The following DGKB variants were observed in gnomAD, a reference collection of about 807,000 sequenced individuals.
DGKB encodes the protein 90 kDa diacylglycerol kinase.
A neutral mutation model predicts 114.3 loss-of-function variants in DGKB; 67 were observed. That is an observed-to-expected ratio of 0.59 (90% CI 0.48 to 0.72). The LOEUF is 0.72. Ranked by LOEUF, DGKB falls within the 30% of genes least tolerant of loss-of-function variation. DGKB has a pLI of 0.00. For missense variants in DGKB, 907 were observed against 975.2 expected, an observed-to-expected ratio of 0.93 and a Z score of 0.93; for synonymous variants, 398 against 323.1, an observed-to-expected ratio of 1.23 and a Z score of -2.49.
chr7:14,308,101 C>G (rs1055775556), intron 23 of DGKB, among the ~76,000 whole-genome samples: 5 of 152,008 alleles, frequency 3.3e-5, no homozygotes, highest in East Asian at 3.9e-4. Context: ...AATTGCTTTT[C>G]TTTTTATGTA....
At chr7:14,342,352 C>A (rs17150053) in intron 22 of DGKB, among the ~76,000 whole-genome samples, 2,212 of 151,922 alleles carry the variant, frequency 0.015, 58 homozygotes, top group African/African-American at 0.049. Flanking sequence ...GCAAACTGAA[C>A]ATTCATGAAC....
intron 16 of DGKB, among the ~76,000 whole-genome samples, chr7:14,608,556 T>C (rs992534004): frequency 2.6e-5 from 4 of 151,928 alleles, no homozygotes; most frequent in Non-Finnish European, 5.9e-5. Context: ...ACCACTCCTA[T>C]TCAACATAGT....
intron 21 of DGKB, among the ~76,000 whole-genome samples, chr7:14,457,693 A>G (rs559286788): frequency 1.3e-5 from 2 of 152,272 alleles, no homozygotes; most frequent in Non-Finnish European, 2.9e-5. Context: ...TTGTTCATCA[A>G]ATGGGATCAA....
intron 22 of DGKB, among the ~76,000 whole-genome samples, chr7:14,339,312 G>T (rs1338353876): frequency 2.6e-5 from 4 of 151,924 alleles, no homozygotes; most frequent in African/African-American, 4.8e-5. Flanking sequence ...CTAAGGAGAT[G>T]TCAAAGGCCA....
intron 25 of DGKB, among the ~76,000 whole-genome samples, chr7:14,161,437 G>A (rs1261349148): frequency 6.6e-6 from 1 of 152,128 alleles, no homozygotes; most frequent in Non-Finnish European, 1.5e-5. Flanking sequence ...TGATAGACTG[G>A]ATAAAGAAAA....
chr7:14,878,681 G>A (rs1431242836), intron 1 of DGKB, among the ~76,000 whole-genome samples: 2 of 149,000 alleles, frequency 1.3e-5, no homozygotes, highest in East Asian at 1.9e-4. Context: ...CCCGGGAGGC[G>A]GAGCTTGCAG....
intron 2 of DGKB, among the ~76,000 whole-genome samples, chr7:14,780,861 C>T (rs17168424): frequency 0.021 from 3,266 of 152,288 alleles, 88 homozygotes; most frequent in African/African-American, 0.07. Context: ...TTTGTTCCCA[C>T]CTCAGCATAC....
intron 1 of DGKB, among the ~76,000 whole-genome samples, chr7:14,899,807 A>T (rs1447366907): frequency 6.6e-6 from 1 of 152,106 alleles, no homozygotes; most frequent in African/African-American, 2.4e-5. Context: ...CACCCACGGC[A>T]TCCACAAAAT....
At chr7:14,351,644 A>C (rs1442104076) in intron 21 of DGKB, among the ~76,000 whole-genome samples, 1 of 152,188 alleles carries the variant, frequency 6.6e-6, no homozygotes, top group South Asian at 2.1e-4. Context: ...GTTATGAAAA[A>C]GGTTGCTCAA....
chr7:14,484,406 G>A (rs1290513275), intron 20 of DGKB, among the ~76,000 whole-genome samples: 1 of 152,244 alleles, frequency 6.6e-6, no homozygotes, highest in South Asian at 2.1e-4. Flanking sequence ...TAGATCATGG[G>A]GGCAGATTTC....
In DGKB at chr7:14,660,674, G is replaced by A. The variant is rs577774502; in HGVS notation, c.1134+12255C>T. ...ATGCCATCCCCATCAAGCTACCAAC[G>A]ACTTTCTTCACAGAATTGGAAAAAA... On this transcript the variant is annotated intron_variant, in intron 13 of 25. Transcript: ENST00000402815. 9.2e-5 allele frequency among the ~76,000 whole-genome samples: 14 copies of A among 151,698 alleles called. 1 individual carries two copies. In the South Asian group the frequency reaches 2.9e-3, roughly 32 times the overall value.
chr7:14,388,853 G>C (rs1031850485), intron 21 of DGKB, among the ~76,000 whole-genome samples: 1 of 152,122 alleles, frequency 6.6e-6, no homozygotes, highest in African/African-American at 2.4e-5. Context: ...TCAGAAGCTT[G>C]TTGAACTCCT....
chr7:14,639,426 G>T (rs1395221983), intron 13 of DGKB, among the ~76,000 whole-genome samples: 1 of 152,184 alleles, frequency 6.6e-6, no homozygotes, highest in Non-Finnish European at 1.5e-5. Context: ...AGATGCTGTT[G>T]GTAGCTCAAA....
chr7:14,376,026 C>CA (rs1442173532), intron 21 of DGKB, among the ~76,000 whole-genome samples: 2 of 152,164 alleles, frequency 1.3e-5, no homozygotes, highest in Non-Finnish European at 2.9e-5. Context: ...ACTGACCATG[C>CA]AAATTGTATA....
rs560659070 is a variant in DGKB, at chr7:14,424,557, TCTG to T, written c.1835+53601_1835+53603del. Among the ~76,000 whole-genome samples, 6 of 152,250 alleles carry T rather than the reference TCTG, an allele frequency of 3.9e-5. No homozygotes were observed. In the South Asian group the frequency reaches 1.0e-3, roughly 26 times the overall value. ...TAGGCATTCTGCTAAATGTATTATA[TCTG>T]CTATTTCATAATCTTCAAGACACTA... On this transcript the variant is annotated intron_variant, in intron 21 of 25. Coordinates refer to ENST00000402815, the MANE Select transcript of DGKB (RefSeq NM_001350709.2).
chr7:14,695,494 C>CTTTTTTTTTTTTTTTTTTTTTTTTTTTTT (rs1173622205), intron 8 of DGKB, among the ~76,000 whole-genome samples: 1 of 75,156 alleles, frequency 1.3e-5, no homozygotes, highest in Non-Finnish European at 2.3e-5. Context: ...CTCTCTCTCT[C>CTTTTTTTTTTTTTTTTTTTTTTTTTTTTT]TTTTTTTTTT....
chr7:14,768,134 A>G (rs779620987), intron 2 of DGKB, among the ~76,000 whole-genome samples: 97 of 151,960 alleles, frequency 6.4e-4, no homozygotes, highest in Non-Finnish European at 1.3e-4. Context: ...TTTAAAGAAC[A>G]TAAAACTCCA....
intron 21 of DGKB, among the ~76,000 whole-genome samples, chr7:14,425,825 C>G (rs372425605): frequency 6.6e-6 from 1 of 152,076 alleles, no homozygotes; most frequent in South Asian, 2.1e-4. Context: ...TCAGTGCAGT[C>G]TCATAGCATA....
At chr7:14,612,147 T>G (rs1162779988) in intron 16 of DGKB, among the ~76,000 whole-genome samples, 1 of 150,790 alleles carries the variant, frequency 6.6e-6, no homozygotes, top group African/African-American at 2.5e-5. Flanking sequence ...AGAAAAAATC[T>G]TATACTCATT....
Sources: allele counts gnomAD v4.1 joint callset (sites outside exome capture counted in the v4.1 genomes callset), GRCh38; gene constraint gnomAD v4.1.1; transcripts MANE v1.5; gene names NCBI Gene and HGNC (gene_info 2026-07-23, HGNC 2026-07-21).